The following DOCK1 variants were observed in gnomAD, a reference collection of about 807,000 sequenced individuals.
DOCK1 encodes dedicator of cytokinesis protein 1.
In DOCK1, 138 loss-of-function variants were observed where a neutral mutation model predicts 262.7. The ratio of observed to expected loss-of-function variants is 0.53; its 90% CI spans 0.46 to 0.61. The LOEUF (loss-of-function observed/expected upper bound fraction) is 0.61. Among genes scored for constraint, DOCK1 ranks in the 20% least tolerant of loss-of-function variants. The pLI, the probability that DOCK1 is intolerant of heterozygous loss-of-function variation, is 0.00. For synonymous variants in DOCK1, 866 were observed against 867.4 expected, an observed-to-expected ratio of 1.00 and a Z score of 0.03; for missense variants, 1,908 against 2,370.7, an observed-to-expected ratio of 0.80 and a Z score of 4.05.
At chr10:127,091,442 G>A (rs891124829) in intron 23 of DOCK1, among the ~76,000 whole-genome samples, 6 of 152,188 alleles carry the variant, frequency 3.9e-5, no homozygotes, top group Admixed American at 2.6e-4. Context: ...GGTCTGGATC[G>A]CTTTCCCTCT....
rs1307468923 is a variant in DOCK1 at position 127,403,271 on chromosome 10, G to T, written c.4017+127G>T. 8 of 862,524 alleles carry T rather than the reference G, an allele frequency of 9.3e-6. No individual in the cohort carries two copies. The South Asian group carries it at 9.6e-5, about 10-fold the overall frequency. 53.4% of individuals were successfully genotyped at this position (862,524 alleles called of 1,614,324 possible). On this transcript the variant is annotated intron_variant, in intron 39 of 51. Transcript: ENST00000623213. ...TCTGGGACCTTGGCCATGTCCCTCC[G>T]TTTTGCCTAGGAAGATGGTTTTAGT...
Position 127,418,400 on chromosome 10 carries a change from C to G in DOCK1, c.4551C>G (p.Thr1517=). The G allele has an allele frequency of 6.2e-7, 1 of 1,613,488 alleles. No individual in the cohort carries two copies. Among genetic ancestry groups the G allele is most frequent in the Non-Finnish European group, 8.5e-7 (1 of 1,179,664 alleles). The change falls in exon 45 of 52, where the codon ACC becomes ACG. Residue 1517 remains threonine, a synonymous_variant. Transcript: ENST00000623213. ...GCCCCCTGGAGAATGCCATTGAGAC[C>G]ATGCAGCTGACGAACGACAAGATCA... is the stretch of plus-strand genomic sequence containing the variant. The part of the protein sequence containing the change: ...EISPLENAIE[T]MQLTNDKINS...
chr10:127,127,789 G>T, intron 27 of DOCK1, 25 bp downstream of exon 27: 1 of 1,593,696 alleles, frequency 6.3e-7, no homozygotes, highest in South Asian at 1.1e-5. Context: ...ACATATGTTT[G>T]GATATTTAAC....
rs79489715 is a variant in DOCK1, at chr10:127,176,321, G to C, written c.2847+48557G>C. On this transcript the variant is annotated intron_variant, in intron 27 of 51. Transcript: ENST00000623213. This position sits in a 1 kb window ranked among gnomAD's most constrained non-coding sequence, Gnocchi z 4.4. ...GGTCCAGGGCGTATTTCATCTCCAG[G>C]GCCAGGCAGGCGGCGGGTTCCACTT... The C allele has an allele frequency of 1.2e-5, 20 of 1,613,876 alleles. No individual in the cohort carries two copies. In the East Asian group the frequency reaches 4.0e-4, roughly 32 times the overall value.
rs551969049 is a variant in DOCK1 at position 127,195,243 on chromosome 10, G to A, written c.2848-52765G>A. On this transcript the variant is annotated intron_variant, in intron 27 of 51. Transcript: ENST00000623213. ...GACTTTGGGCTCCAGGAGCTGCCCC[G>A]ACCCCGGGCTGCCCGCGGGCTCCCT... Among the ~76,000 whole-genome samples, 7 of 152,234 alleles carry A rather than the reference G, an allele frequency of 4.6e-5. No individual in the cohort carries two copies. In the South Asian group the frequency reaches 1.5e-3, roughly 32 times the overall value.
intron 27 of DOCK1, among the ~76,000 whole-genome samples, chr10:127,170,798 G>A (rs1321883859): frequency 1.3e-5 from 2 of 152,186 alleles, no homozygotes; most frequent in Non-Finnish European, 2.9e-5. Context: ...TAGGTAGCCT[G>A]TGTGACCCTG....
At chr10:127,045,503 TCTC>T (rs1245724929) in intron 21 of DOCK1, among the ~76,000 whole-genome samples, 4 of 152,158 alleles carry the variant, frequency 2.6e-5, no homozygotes, top group African/African-American at 7.2e-5. Flanking sequence ...CTTGTCCTCT[TCTC>T]CTCTAGAAGG....
chr10:126,913,532 A>G (rs8181424), intron 1 of DOCK1, among the ~76,000 whole-genome samples: 60,907 of 152,106 alleles, frequency 0.4, 13,343 homozygotes, highest in Non-Finnish European at 0.51. Context: ...AAGCGCTTTA[A>G]TATCAGGAGC....
intron 16 of DOCK1, among the ~76,000 whole-genome samples, chr10:127,029,169 C>T (rs1386761272): frequency 2.0e-5 from 3 of 149,814 alleles, no homozygotes; most frequent in Non-Finnish European, 4.4e-5. Flanking sequence ...ATGAAGTCTC[C>T]GTGGCCACAG....
At chr10:127,177,919 A>G (rs546739822) in intron 27 of DOCK1, among the ~76,000 whole-genome samples, 2 of 152,338 alleles carry the variant, frequency 1.3e-5, no homozygotes, top group South Asian at 4.1e-4. Context: ...TCGGTGTCAC[A>G]CAGGAAATAA....
At chr10:127,356,829 C>T (rs1050643894) in intron 32 of DOCK1, among the ~76,000 whole-genome samples, 1 of 152,140 alleles carries the variant, frequency 6.6e-6, no homozygotes, top group African/African-American at 2.4e-5. Context: ...TACCCTGGCC[C>T]CTCCTAAAAG....
At chr10:127,117,543 T>C (rs2049268793) in intron 25 of DOCK1, among the ~76,000 whole-genome samples, 2 of 152,230 alleles carry the variant, frequency 1.3e-5, no homozygotes, top group Admixed American at 1.3e-4. Context: ...TATATGTTCA[T>C]GGAGTTTTAA....
intron 27 of DOCK1, among the ~76,000 whole-genome samples, chr10:127,155,583 G>C (rs969823079): frequency 6.6e-6 from 1 of 152,038 alleles, no homozygotes; most frequent in African/African-American, 2.4e-5. Flanking sequence ...CCCTCCCCTT[G>C]TTCCTCACCA....
At chr10:127,023,444 A>G (rs1305973892) in intron 14 of DOCK1, 120 bp downstream of exon 14, 29 of 1,324,114 alleles carry the variant, frequency 2.2e-5, no homozygotes, top group Non-Finnish European at 2.9e-5. Flanking sequence ...GTTTCTTGGG[A>G]TTGGCGTTGG....
intron 45 of DOCK1, 87 bp from the exon 46 acceptor site, chr10:127,419,579 T>C: frequency 7.8e-7 from 1 of 1,284,684 alleles, no homozygotes; most frequent in Non-Finnish European, 1.1e-6. Context: ...TGCACAGCTC[T>C]ATTCTCAGGG....
At chr10:127,102,614 G>C (rs891864930) in intron 23 of DOCK1, among the ~76,000 whole-genome samples, 28 of 152,352 alleles carry the variant, frequency 1.8e-4, no homozygotes, top group Admixed American at 7.2e-4. Flanking sequence ...TGGATCACTT[G>C]AGGTCAGGAG....
rs75434094 is a variant in DOCK1 at position 127,077,532 on chromosome 10, C to T, written c.2445+15756C>T. Among the ~76,000 whole-genome samples, 977 of 152,158 alleles carry T rather than the reference C, an allele frequency of 6.4e-3. 11 individuals carry two copies. The highest frequency in any genetic ancestry group is 0.023 in the African/African-American group (937 of 41,494). On this transcript the variant is annotated intron_variant, in intron 23 of 51. Transcript: ENST00000623213. ...AAAGGGTAGTGTTTTAATATACGTGCGCTTTTCACATGGATTCAAGGATGG... is the reference window on the plus strand; with the variant it reads ...AAAGGGTAGTGTTTTAATATACGTGTGCTTTTCACATGGATTCAAGGATGG...
chr10:127,018,152 G>A (rs932900419), intron 12 of DOCK1, among the ~76,000 whole-genome samples: 1 of 152,140 alleles, frequency 6.6e-6, no homozygotes, highest in Non-Finnish European at 1.5e-5. Context: ...AGAGGGCCTG[G>A]GCTCCACAGG....
intron 29 of DOCK1, among the ~76,000 whole-genome samples, chr10:127,285,320 A>G (rs2061109467): frequency 6.6e-6 from 1 of 152,252 alleles, no homozygotes; most frequent in South Asian, 2.1e-4. Flanking sequence ...GTATTAAAAC[A>G]TGCACACCTT....
Sources: gnomAD v4.1 joint callset for allele counts (sites outside exome capture counted in the v4.1 genomes callset) on GRCh38, gnomAD v4.1.1 for gene constraint, Gnocchi (gnomAD v3.1) non-coding constraint, MANE v1.5 for transcripts, NCBI Gene and HGNC (gene_info 2026-07-23, HGNC 2026-07-21) for gene names.